Variants in FAM50B observed in about 807,000 individuals in gnomAD.
The protein encoded by FAM50B is family with sequence similarity 50 member B.
In FAM50B, 9 loss-of-function variants were observed where a neutral mutation model predicts 25.4. That is an observed-to-expected ratio of 0.35 (90% CI 0.21 to 0.62). The LOEUF (loss-of-function observed/expected upper bound fraction) is 0.62, where lower values mean the gene tolerates loss of function less well. FAM50B is among the 20% of genes least tolerant of loss of function. FAM50B has a pLI of 0.73. For synonymous variants in FAM50B, 212 were observed against 204.3 expected (o/e 1.04, Z -0.32); for missense variants, 372 against 477.9 (o/e 0.78, Z 2.07).
At chr6:3,844,032 C>T in the FAM50B span, among the ~76,000 whole-genome samples, 19,409 of 152,156 alleles carry the variant, frequency 0.13, 2,820 homozygotes, top group African/African-American at 0.36. Flanking sequence ...TAGGATAATC[C>T]GTTTAAAATA....
the FAM50B span, among the ~76,000 whole-genome samples, chr6:3,844,101 G>A: frequency 5.9e-5 from 9 of 152,182 alleles, no homozygotes; most frequent in Non-Finnish European, 1.2e-4. Flanking sequence ...TGTTATTTGC[G>A]GGGGTCTGTT....
At chr6:3,832,565 C>T in the FAM50B span, among the ~76,000 whole-genome samples, 3 of 152,208 alleles carry the variant, frequency 2.0e-5, no homozygotes, top group Admixed American at 1.3e-4. Context: ...CGGGCACTCA[C>T]TCATACACCC....
At chr6:3,842,959 A>G in the FAM50B span, among the ~76,000 whole-genome samples, 4 of 152,294 alleles carry the variant, frequency 2.6e-5, no homozygotes, top group East Asian at 7.7e-4. Flanking sequence ...AGAAAAGCCT[A>G]TTTTGTCCAT....
At chr6:3,846,080 A>G (rs761573478), upstream of FAM50B, among the ~76,000 whole-genome samples, 1 of 152,130 alleles carries the variant, frequency 6.6e-6, no homozygotes, top group Non-Finnish European at 1.5e-5. Context: ...GCAGGGGTCC[A>G]CCTATTAGAG....
At position 3,851,044 on chromosome 6, in the gene FAM50B, G is replaced by A; in HGVS notation, c.*255G>A. 3.8e-6 allele frequency: 2 copies of A among 526,172 alleles called. No individual in the cohort carries two copies. The highest frequency in any genetic ancestry group is 3.7e-5 in the Admixed American group (1 of 27,092). 32.6% of individuals were successfully genotyped at this position (526,172 alleles called of 1,614,324 possible). A position where few individuals can be genotyped will look rare whatever the true frequency, so the allele number is the denominator to read the frequency against. On this transcript the variant is annotated 3_prime_UTR_variant, in exon 2 of 2. Coordinates refer to ENST00000648326, the MANE Select transcript of FAM50B (RefSeq NM_012135.3). The stretch of plus-strand genomic sequence containing the variant: ...TGAGCTGTATTGAAACCATGACTGG[G>A]CCCACTGTCAGACAGAAATTAGAAT...
upstream of FAM50B, among the ~76,000 whole-genome samples, chr6:3,846,221 C>A (rs1051226307): frequency 1.3e-5 from 2 of 152,120 alleles, no homozygotes; most frequent in African/African-American, 4.8e-5. Context: ...AGAAGTTAGA[C>A]AAGAACAAGA....
At chr6:3,844,571 CGTG>C (rs532842471), upstream of FAM50B, among the ~76,000 whole-genome samples, 606 of 152,064 alleles carry the variant, frequency 4.0e-3, 5 homozygotes, top group African/African-American at 0.014. Context: ...ATTAGCCGGG[CGTG>C]GTGGTGGGCG....
At chr6:3,836,491 G>A in the FAM50B span, among the ~76,000 whole-genome samples, 1 of 152,116 alleles carries the variant, frequency 6.6e-6, no homozygotes, top group African/African-American at 2.4e-5. Context: ...TTCTTCCAGG[G>A]AAAACAGTAT....
the FAM50B span, among the ~76,000 whole-genome samples, chr6:3,835,849 C>T: frequency 4.6e-5 from 7 of 152,200 alleles, no homozygotes; most frequent in Admixed American, 3.3e-4. Flanking sequence ...CCCAACCTCA[C>T]GCGGGACTAT....
chr6:3,848,368 G>C (rs1365759948), upstream of FAM50B, among the ~76,000 whole-genome samples: 1 of 152,166 alleles, frequency 6.6e-6, no homozygotes, highest in African/African-American at 2.4e-5. Context: ...AAGTGTGAAA[G>C]GCTCTTCTGT....
Position 3,849,572 on chromosome 6 carries a change from C to T in FAM50B, c.-24+86C>T, listed in dbSNP as rs1267532171. 9 of 621,634 alleles carry T rather than the reference C, an allele frequency of 1.4e-5. No individual in the cohort carries two copies. In the Admixed American group the frequency reaches 2.4e-4, roughly 16 times the overall value. 38.5% of individuals were successfully genotyped at this position (621,634 alleles called of 1,614,324 possible). A position where few individuals can be genotyped will look rare whatever the true frequency, so the allele number is the denominator to read the frequency against. Reference sequence around the variant, plus strand: ...GCTCAGGCATGGCAGCCACCCGTTACGTGGGGCCGTTCGCATTTGCATTTA... The same window carrying T: ...GCTCAGGCATGGCAGCCACCCGTTATGTGGGGCCGTTCGCATTTGCATTTA... On this transcript the variant is annotated intron_variant, in intron 1 of 1. Coordinates refer to ENST00000648326, the MANE Select transcript of FAM50B (RefSeq NM_012135.3).
the FAM50B span, among the ~76,000 whole-genome samples, chr6:3,838,279 C>G: frequency 1.3e-5 from 2 of 151,696 alleles, no homozygotes; most frequent in Admixed American, 1.3e-4. Flanking sequence ...CCACTGCACT[C>G]CAGCCTGGGC....
chr6:3,836,963 CG>C, the FAM50B span, among the ~76,000 whole-genome samples: 3 of 152,118 alleles, frequency 2.0e-5, no homozygotes, highest in African/African-American at 7.2e-5. Flanking sequence ...ATACAGGCTT[CG>C]TGCAGGCTTT....
chr6:3,850,822 G>A lies in FAM50B; in HGVS notation c.*33G>A, dbSNP rs1762210851. ...CTGCCAGAGCGGAAACCGGGGGTGGGGGGAGACACTCATTTCTAGGCCCCA... is the reference window on the plus strand; with the variant it reads ...CTGCCAGAGCGGAAACCGGGGGTGGAGGGAGACACTCATTTCTAGGCCCCA... On this transcript the variant is annotated 3_prime_UTR_variant, in exon 2 of 2. Transcript: ENST00000648326. The A allele has an allele frequency of 1.2e-6, 2 of 1,603,222 alleles. No homozygotes were observed. Among genetic ancestry groups the A allele is most frequent in the Admixed American group, 3.4e-5 (2 of 58,508 alleles).
chr6:3,850,221 GGCGCGCCGGAA>G lies in FAM50B; in HGVS notation c.411_421del (p.Arg138ProfsTer132). 1 of 1,613,316 alleles carries G rather than the reference GGCGCGCCGGAA, an allele frequency of 6.2e-7. No individual in the cohort carries two copies. The highest frequency in any genetic ancestry group is 8.5e-7 in the Non-Finnish European group (1 of 1,179,854). On this transcript the variant is annotated frameshift_variant, in exon 2 of 2. Coordinates refer to ENST00000648326, the MANE Select transcript of FAM50B (RefSeq NM_012135.3). LOFTEE classifies it high-confidence loss of function. ...GACCAGGCCGACGCGGCCGAGGCCA[GGCGCGCCGGAA>G]ACCTGGGCAAGAACCCCGACGTGGA...
rs762548695 is a variant in FAM50B, at chr6:3,850,300, C to T, written c.489C>T (p.Asn163=). 6 of 1,613,174 alleles carry T rather than the reference C, an allele frequency of 3.7e-6. No individual in the cohort carries two copies. The Admixed American group carries it at 6.7e-5, about 18-fold the overall frequency. The change falls in exon 2 of 2, where the codon AAC becomes AAT. Residue 163 remains asparagine (N), a synonymous_variant. Coordinates refer to ENST00000648326, the MANE Select transcript of FAM50B (RefSeq NM_012135.3). ...ACCGCGACCGCGAGGAGGAGGAGAA[C>T]CGGCTCCGAGAGGAGCTGCGCCAAG... The part of the protein sequence containing the change: ...LPDRDREEEE[N]RLREELRQEW...
chr6:3,844,535 AC>A (rs1284901622), upstream of FAM50B, among the ~76,000 whole-genome samples: 1 of 151,708 alleles, frequency 6.6e-6, no homozygotes, highest in Non-Finnish European at 1.5e-5. Context: ...ACATGGCAAA[AC>A]CCCGTCTCTA....
Position 3,850,873 on chromosome 6 carries a change from T to C in FAM50B, c.*84T>C. 6.5e-7 allele frequency: 1 copy of C among 1,530,754 alleles called. No individual in the cohort carries two copies. The highest frequency in any genetic ancestry group is 8.8e-7 in the Non-Finnish European group (1 of 1,138,404). 94.8% of individuals were successfully genotyped at this position (1,530,754 alleles called of 1,614,324 possible). On this transcript the variant is annotated 3_prime_UTR_variant, in exon 2 of 2. Coordinates refer to ENST00000648326, the MANE Select transcript of FAM50B (RefSeq NM_012135.3). ...TCACCAGTCACTTGATTTCGTGACC[T>C]TGATTTCTTCCCCCAAATTTAATAA... is the stretch of plus-strand genomic sequence containing the variant.
the FAM50B span, among the ~76,000 whole-genome samples, chr6:3,842,232 G>A: frequency 3.9e-5 from 6 of 152,220 alleles, no homozygotes; most frequent in Admixed American, 6.5e-5. Context: ...CAGAGAGCCA[G>A]AGCTGGCTTC....
Sources: gnomAD v4.1 joint callset for allele counts (sites outside exome capture counted in the v4.1 genomes callset) on GRCh38, gnomAD v4.1.1 for gene constraint, MANE v1.5 for transcripts, NCBI Gene and HGNC (gene_info 2026-07-23, HGNC 2026-07-21) for gene names.